Variants in AQP1 observed in about 807,000 individuals in gnomAD.
AQP1 encodes aquaporin-1.
A neutral mutation model predicts 19.7 loss-of-function variants in AQP1; 11 were observed. That is an observed-to-expected ratio of 0.56 (90% confidence interval 0.35 to 0.92). The LOEUF (loss-of-function observed/expected upper bound fraction) is 0.92. AQP1 is among the 40% of genes least tolerant of loss of function. AQP1 has a pLI of 0.01. For synonymous variants in AQP1, 159 were observed against 166.7 expected (o/e 0.95, Z 0.36); for missense variants, 320 against 369.7 (o/e 0.87, Z 1.10).
At chr7:30,919,349 TCTA>T (rs1791436856) in intron 1 of AQP1, among the ~76,000 whole-genome samples, 1 of 152,152 alleles carries the variant, frequency 6.6e-6, no homozygotes. Context: ...TGGGAAGGCT[TCTA>T]GGAGCTGGTG....
At chr7:30,921,756 CCTGGATGCAG>C in intron 1 of AQP1, 1 of 1,550,782 alleles carries the variant, frequency 6.4e-7, no homozygotes, top group Non-Finnish European at 8.7e-7. Flanking sequence ...AATACCCTGG[CCTGGATGCAG>C]CTGGATGCAA....
At position 30,923,735 on chromosome 7, in the gene AQP1, T is replaced by G; in HGVS notation, c.*106T>G. 6.7e-7 allele frequency: 1 copy of G among 1,502,790 alleles called. No individual in the cohort carries two copies. Among genetic ancestry groups the G allele is most frequent in the Middle Eastern group, 2.2e-4 (1 of 4,464 alleles). The allele number at this position is 1,502,790 out of a possible 1,614,324, so 93.1% of individuals were successfully genotyped here. The stretch of plus-strand genomic sequence containing the variant: ...AGACACTCTGACAAGCTGGCCAAAG[T>G]CACTTCCCCAAGATCTGCCAGACCT... On this transcript the variant is annotated 3_prime_UTR_variant, in exon 4 of 4. Transcript: ENST00000311813. The surrounding 1 kb of genome is among the most constrained non-coding windows in gnomAD (Gnocchi z 4.8).
rs1584389919 is a variant in AQP1 at position 30,922,360 on chromosome 7, G to T, written c.549+130G>T. The T allele has an allele frequency of 2.9e-6, 4 of 1,394,092 alleles. No individual in the cohort carries two copies. In the East Asian group the frequency reaches 7.3e-5, roughly 26 times the overall value. The allele number at this position is 1,394,092 out of a possible 1,614,324, so 86.4% of individuals were successfully genotyped here. On this transcript the variant is annotated intron_variant, in intron 2 of 3. Coordinates refer to ENST00000311813, the MANE Select transcript of AQP1 (RefSeq NM_198098.4). ...ATTGGGTGGAGGATGGCGGGTCAGC[G>T]CTGGGGGCTGGGGGCAGGGTCCTGC...
intron 1 of AQP1, among the ~76,000 whole-genome samples, chr7:30,915,422 C>T (rs777553574): frequency 6.6e-6 from 1 of 152,088 alleles, no homozygotes; most frequent in African/African-American, 2.4e-5. Context: ...GAGGAGGTTT[C>T]GTAGGAGCCT....
Position 30,925,028 on chromosome 7 carries a change from A to G in AQP1, c.*1399A>G, listed in dbSNP as rs1440067450. 1.3e-5 allele frequency: 2 copies of G among 152,296 alleles called. No homozygotes were observed. Among genetic ancestry groups the G allele is most frequent in the Admixed American group, 6.5e-5 (1 of 15,286 alleles). The allele number at this position is 152,296 out of a possible 1,614,324, so 9.4% of individuals were successfully genotyped here. On this transcript the variant is annotated 3_prime_UTR_variant, in exon 4 of 4. Coordinates refer to ENST00000311813, the MANE Select transcript of AQP1 (RefSeq NM_198098.4). ...CTTTCAATTCCACCAGGGCCAGAGC[A>G]GCTCCACCACTGTGCACTTAGCCAT...
At chr7:30,921,230 GCTGCATGGGGAGGGCCTTCATGACCT>G (rs1791489861) in intron 1 of AQP1, 7 of 1,109,250 alleles carry the variant, frequency 6.3e-6, no homozygotes, top group Non-Finnish European at 7.7e-6. Context: ...TCCGGGGGCA[GCTGCATGGGGAGGGCCTTCATGACCT>G]CACAGCAGCT....
At chr7:30,920,565 G>A (rs950584627) in intron 1 of AQP1, among the ~76,000 whole-genome samples, 1 of 152,242 alleles carries the variant, frequency 6.6e-6, no homozygotes, top group African/African-American at 2.4e-5. Context: ...CCCTGAGACG[G>A]CCCCTTTGGC....
Position 30,924,730 on chromosome 7 carries a change from C to T in AQP1, c.*1101C>T, listed in dbSNP as rs1318070007. 6.6e-6 allele frequency: 1 copy of T among 152,230 alleles called. No individual in the cohort carries two copies. The highest frequency in any genetic ancestry group is 1.5e-5 in the Non-Finnish European group (1 of 68,050). 9.4% of individuals were successfully genotyped at this position (152,230 alleles called of 1,614,324 possible). A position where few individuals can be genotyped will look rare whatever the true frequency, so the allele number is the denominator to read the frequency against. On this transcript the variant is annotated 3_prime_UTR_variant, in exon 4 of 4. Transcript: ENST00000311813. Reference sequence around the variant, plus strand: ...CAGGTCAGCCCATGGAGGCAGATGCCCTTGCTGGGCCTGGGGGTTTTCCAA... The same window carrying T: ...CAGGTCAGCCCATGGAGGCAGATGCTCTTGCTGGGCCTGGGGGTTTTCCAA...
chr7:30,923,304 T>C lies in AQP1; in HGVS notation c.631-146T>C, dbSNP rs1359743908. 8 of 1,474,352 alleles carry C rather than the reference T, an allele frequency of 5.4e-6. 1 individual carries two copies. The highest frequency in any genetic ancestry group is 1.8e-6 in the Non-Finnish European group (2 of 1,099,990). The allele number at this position is 1,474,352 out of a possible 1,614,324, so 91.3% of individuals were successfully genotyped here. On this transcript the variant is annotated intron_variant, in intron 3 of 3. Transcript: ENST00000311813. The surrounding 1 kb of genome is among the most constrained non-coding windows in gnomAD (Gnocchi z 4.8). ...CCGGTTCTGAGGGGCACCGGAATCA[T>C]GATGTTAGGATTTGGCTCTCCTACC...
At chr7:30,920,524 T>C (rs1228321291) in intron 1 of AQP1, among the ~76,000 whole-genome samples, 1 of 152,158 alleles carries the variant, frequency 6.6e-6, no homozygotes, top group Non-Finnish European at 1.5e-5. Flanking sequence ...CACTGCCCCA[T>C]CCCTCCTGCG....
Position 30,923,641 on chromosome 7 carries a change from C to T in AQP1, c.*12C>T. 6.3e-7 allele frequency: 1 copy of T among 1,594,194 alleles called. No homozygotes were observed. The highest frequency in any genetic ancestry group is 8.5e-7 in the Non-Finnish European group (1 of 1,173,298). On this transcript the variant is annotated 3_prime_UTR_variant, in exon 4 of 4. Transcript: ENST00000311813. The surrounding 1 kb of genome is among the most constrained non-coding windows in gnomAD (Gnocchi z 4.8). ...TGAAGCCCAAATAGAAGGGGTCTGG[C>T]CCGGGCATCCACGTAGGGGGCAGGG...
intron 1 of AQP1, among the ~76,000 whole-genome samples, chr7:30,914,146 C>T (rs1312695565): frequency 2.0e-5 from 3 of 152,204 alleles, no homozygotes; most frequent in Non-Finnish European, 4.4e-5. Flanking sequence ...CTCCCGTGCC[C>T]CATTCCCTCC....
chr7:30,923,557 C>G lies in AQP1; in HGVS notation c.738C>G (p.Thr246=). ...TCACAGACCGCGTGAAGGTGTGGAC[C>G]AGCGGCCAGGTGGAGGAGTATGACC... ...SDLTDRVKVW[T]SGQVEEYDLD... The change falls in exon 4 of 4, where the codon ACC becomes ACG. Residue 246 remains threonine, a synonymous_variant. Transcript: ENST00000311813. This position sits in a 1 kb window ranked among gnomAD's most constrained non-coding sequence, Gnocchi z 4.8. The G allele has an allele frequency of 6.2e-7, 1 of 1,614,122 alleles. No individual in the cohort carries two copies. The highest frequency in any genetic ancestry group is 1.7e-5 in the Admixed American group (1 of 60,022).
chr7:30,921,904 C>T, intron 1 of AQP1, 162 bp from the exon 2 acceptor site: 3 of 1,528,454 alleles, frequency 2.0e-6, no homozygotes, highest in South Asian at 2.4e-5. Flanking sequence ...TTTCCACTAC[C>T]TGCCGTGTAG....
Position 30,925,256 on chromosome 7 carries a change from C to A in AQP1, c.*1627C>A, listed in dbSNP as rs867967575. 1.3e-5 allele frequency: 2 copies of A among 152,224 alleles called. No individual in the cohort carries two copies. 9.4% of individuals were successfully genotyped at this position (152,224 alleles called of 1,614,324 possible). A position where few individuals can be genotyped will look rare whatever the true frequency, so the allele number is the denominator to read the frequency against. ...CAATGATTTGGCCAGGCCTAGTAAC[C>A]AAGGCCCTGTCTCTGGCTACTCCCT... On this transcript the variant is annotated 3_prime_UTR_variant, in exon 4 of 4. Coordinates refer to ENST00000311813, the MANE Select transcript of AQP1 (RefSeq NM_198098.4).
In AQP1 at chr7:30,923,515, C is replaced by G. The variant is rs779968706; in HGVS notation, c.696C>G (p.Ala232=). Residue 232 remains alanine, a synonymous_variant, in exon 4 of 4, where the codon GCC becomes GCG. Transcript: ENST00000311813. This position sits in a 1 kb window ranked among gnomAD's most constrained non-coding sequence, Gnocchi z 4.8. ...TACTCATCTACGACTTCATCCTGGC[C>G]CCACGCAGCAGTGACCTCACAGACC... is the stretch of plus-strand genomic sequence containing the variant. ...LAVLIYDFIL[A]PRSSDLTDRV... The G allele has an allele frequency of 6.2e-7, 1 of 1,614,118 alleles. No individual in the cohort carries two copies. The highest frequency in any genetic ancestry group is 8.5e-7 in the Non-Finnish European group (1 of 1,180,020).
At chr7:30,920,080 G>A (rs551165840) in intron 1 of AQP1, among the ~76,000 whole-genome samples, 1 of 152,326 alleles carries the variant, frequency 6.6e-6, no homozygotes, top group Admixed American at 6.5e-5. Context: ...TCTTTGGGTA[G>A]GGGCTGGGGC....
intron 2 of AQP1, 129 bp downstream of exon 2, chr7:30,922,359 CGCTGGGG>C: frequency 7.0e-7 from 1 of 1,421,356 alleles, no homozygotes; most frequent in Non-Finnish European, 9.5e-7. Flanking sequence ...GGCGGGTCAG[CGCTGGGG>C]GCTGGGGGCA....
chr7:30,913,003 T>C (rs1791207899), intron 1 of AQP1, among the ~76,000 whole-genome samples: 1 of 151,750 alleles, frequency 6.6e-6, no homozygotes. Flanking sequence ...CGTGTGTGTG[T>C]GTGAAGGTGT....
Sources: allele counts gnomAD v4.1 joint callset (sites outside exome capture counted in the v4.1 genomes callset), GRCh38; gene constraint gnomAD v4.1.1; non-coding constraint Gnocchi (gnomAD v3.1); transcripts MANE v1.5; gene names NCBI Gene and HGNC (gene_info 2026-07-23, HGNC 2026-07-21).